Variants in DSCAM observed in about 807,000 individuals in gnomAD.
DSCAM encodes cell adhesion molecule DSCAM.
In DSCAM, 47 loss-of-function variants were observed where a neutral mutation model predicts 217.7. The ratio of observed to expected loss-of-function variants is 0.22; its 90% confidence interval spans 0.17 to 0.28. The LOEUF is 0.28. Among genes scored for constraint, DSCAM ranks in the 10% least tolerant of loss-of-function variants. The pLI, the probability that DSCAM is intolerant of heterozygous loss-of-function variation, is 1.00. For synonymous variants in DSCAM, 1,056 were observed against 1,015.3 expected, an observed-to-expected ratio of 1.04 and a Z score of -0.76; for missense variants, 2,080 against 2,618.3, an observed-to-expected ratio of 0.79 and a Z score of 4.49.
At chr21:40,585,179 C>CTTACTTTT (rs2076935253) in intron 3 of DSCAM, among the ~76,000 whole-genome samples, 1 of 145,916 alleles carries the variant, frequency 6.9e-6, no homozygotes. Flanking sequence ...AAATCAACTT[C>CTTACTTTT]TTTTTTTTTT....
intron 27 of DSCAM, among the ~76,000 whole-genome samples, chr21:40,073,086 CCTCA>C (rs2089318839): frequency 6.6e-6 from 1 of 152,158 alleles, no homozygotes; most frequent in Non-Finnish European, 1.5e-5. Context: ...AACCCAAAGG[CCTCA>C]CTCAGTAAGA....
At chr21:40,201,266 T>C (rs1400614511) in intron 11 of DSCAM, among the ~76,000 whole-genome samples, 1 of 152,174 alleles carries the variant, frequency 6.6e-6, no homozygotes, top group Non-Finnish European at 1.5e-5. Context: ...TCAAGTCACA[T>C]TATTGGAAGA....
intron 3 of DSCAM, among the ~76,000 whole-genome samples, chr21:40,379,826 G>A (rs1285653359): frequency 6.6e-6 from 1 of 152,128 alleles, no homozygotes; most frequent in African/African-American, 2.4e-5. Flanking sequence ...ATATTGAGGG[G>A]GCAGAGCTCT....
At chr21:40,583,855 T>G (rs2076923640) in intron 3 of DSCAM, among the ~76,000 whole-genome samples, 1 of 150,440 alleles carries the variant, frequency 6.6e-6, no homozygotes, top group Non-Finnish European at 1.5e-5. Context: ...CTCTGTACCT[T>G]CCACTCGGTT....
intron 18 of DSCAM, among the ~76,000 whole-genome samples, chr21:40,139,799 G>A (rs1049215967): frequency 6.6e-6 from 1 of 151,068 alleles, no homozygotes; most frequent in African/African-American, 2.4e-5. Flanking sequence ...TGTGATATGT[G>A]GTGTATGTGT....
chr21:40,047,964 G>A (rs1207330700), intron 30 of DSCAM, among the ~76,000 whole-genome samples: 1 of 152,166 alleles, frequency 6.6e-6, no homozygotes, highest in South Asian at 2.1e-4. Context: ...CTATTCTTTA[G>A]TCTCTACATA....
intron 3 of DSCAM, chr21:40,615,253 G>A (rs1213489766): frequency 7.3e-6 from 1 of 136,854 alleles, no homozygotes; most frequent in Non-Finnish European, 1.5e-5. Flanking sequence ...TTGCACTCCA[G>A]TCTGGGCGAC....
At chr21:40,656,528 A>C (rs2146370194) in intron 3 of DSCAM, among the ~76,000 whole-genome samples, 2 of 152,168 alleles carry the variant, frequency 1.3e-5, no homozygotes, top group South Asian at 2.1e-4. Flanking sequence ...AATAGAAAAA[A>C]AAAAAAAAGT....
chr21:40,696,446 C>T (rs985063324), intron 2 of DSCAM, among the ~76,000 whole-genome samples: 24 of 152,136 alleles, frequency 1.6e-4, no homozygotes, highest in Non-Finnish European at 4.4e-5. Flanking sequence ...CTGACATGCT[C>T]GGTCATGCAG....
intron 1 of DSCAM, among the ~76,000 whole-genome samples, chr21:40,713,454 A>C (rs2090805369): frequency 6.6e-6 from 1 of 152,182 alleles, no homozygotes; most frequent in Non-Finnish European, 1.5e-5. Flanking sequence ...TTAACCCCTA[A>C]CCTCACTAAG....
At chr21:40,582,165 C>CTA (rs1156934469) in intron 3 of DSCAM, among the ~76,000 whole-genome samples, 3 of 152,178 alleles carry the variant, frequency 2.0e-5, no homozygotes, top group Non-Finnish European at 4.4e-5. Flanking sequence ...TAATAAAACT[C>CTA]TATAAAGTAA....
intron 6 of DSCAM, among the ~76,000 whole-genome samples, chr21:40,343,384 T>C (rs915993590): frequency 1.3e-5 from 2 of 152,316 alleles, no homozygotes. Flanking sequence ...GAAAAACATT[T>C]AGTGTTTAAC....
intron 11 of DSCAM, among the ~76,000 whole-genome samples, chr21:40,264,419 T>C (rs1230566065): frequency 6.6e-6 from 1 of 152,166 alleles, no homozygotes; most frequent in East Asian, 1.9e-4. Flanking sequence ...AGTCAAAAAA[T>C]GTGATTCATC....
rs148934282 is a variant in DSCAM at position 40,488,163 on chromosome 21, T to C, written c.509-118918A>G. Among the ~76,000 whole-genome samples, 523 of 152,354 alleles carry C rather than the reference T, an allele frequency of 3.4e-3. 3 individuals are homozygous for C. Among genetic ancestry groups the C allele is most frequent in the Non-Finnish European group, 6.2e-3 (424 of 68,034 alleles). On this transcript the variant is annotated intron_variant, in intron 3 of 32. Transcript: ENST00000400454. Reference sequence around the variant, plus strand: ...CCATTCTCAATGAACTTACCAACTCTATGAGTGTGTCGCCCTCTCTGTACT... The same window carrying C: ...CCATTCTCAATGAACTTACCAACTCCATGAGTGTGTCGCCCTCTCTGTACT...
intron 3 of DSCAM, among the ~76,000 whole-genome samples, chr21:40,618,191 C>T (rs1227155937): frequency 1.3e-5 from 2 of 152,072 alleles, no homozygotes; most frequent in African/African-American, 4.8e-5. Context: ...CACATGAAAT[C>T]AACAGGCTGC....
chr21:40,332,800 A>G (rs2074390768), intron 8 of DSCAM, among the ~76,000 whole-genome samples: 1 of 152,196 alleles, frequency 6.6e-6, no homozygotes, highest in Non-Finnish European at 1.5e-5. Context: ...ATTTATATCA[A>G]TCTTTGAAAT....
At chr21:40,756,286 G>C (rs1286834257) in intron 1 of DSCAM, among the ~76,000 whole-genome samples, 1 of 152,196 alleles carries the variant, frequency 6.6e-6, no homozygotes, top group Non-Finnish European at 1.5e-5. Context: ...ATGATTCTAA[G>C]CTTCCTGCAG....
chr21:40,161,172 C>T (rs374673056), intron 16 of DSCAM, among the ~76,000 whole-genome samples: 4 of 152,130 alleles, frequency 2.6e-5, no homozygotes, highest in African/African-American at 4.8e-5. Context: ...GGAGACCTGC[C>T]GGACCCTTTG....
chr21:40,371,437 A>T (rs1292127586), intron 3 of DSCAM, among the ~76,000 whole-genome samples: 13 of 133,980 alleles, frequency 9.7e-5, no homozygotes, highest in African/African-American at 4.2e-4. Context: ...AAAAAAAAAG[A>T]TGATGTATGT....
Sources: gnomAD v4.1 joint callset for allele counts (sites outside exome capture counted in the v4.1 genomes callset) on GRCh38, gnomAD v4.1.1 for gene constraint, MANE v1.5 for transcripts, NCBI Gene and HGNC (gene_info 2026-07-23, HGNC 2026-07-21) for gene names.